Variants in TACC2 observed in about 807,000 individuals in gnomAD.
TACC2 encodes the protein transforming acidic coiled-coil-containing protein 2.
TACC2 carries 137 observed loss-of-function variants against 227.3 expected under a neutral mutation model. The ratio of observed to expected loss-of-function variants is 0.60; its 90% CI spans 0.52 to 0.69. The LOEUF is 0.69. TACC2 is among the 30% of genes least tolerant of loss of function. TACC2 has a pLI of 0.00. For missense variants in TACC2, 3,470 were observed against 3,694.4 expected (o/e 0.94, Z 1.57); for synonymous variants, 1,523 against 1,487.5 (o/e 1.02, Z -0.55).
chr10:122,045,705 T>C (rs971592183), intron 2 of TACC2, among the ~76,000 whole-genome samples: 1 of 152,210 alleles, frequency 6.6e-6, no homozygotes, highest in Non-Finnish European at 1.5e-5. Context: ...ATGGAAAACA[T>C]GATTTTACCT....
intron 7 of TACC2, among the ~76,000 whole-genome samples, chr10:122,164,231 G>A (rs548659381): frequency 4.1e-4 from 63 of 152,342 alleles, no homozygotes; most frequent in African/African-American, 1.4e-3. Flanking sequence ...TCAGCAGTGG[G>A]TGCATGGCTG....
Position 122,180,333 on chromosome 10 carries a change from C to T in TACC2, c.5835-14707C>T, listed in dbSNP as rs1461149882. Among the ~76,000 whole-genome samples the T allele has an allele frequency of 6.6e-6, 1 of 151,688 alleles. No homozygotes were observed. Among genetic ancestry groups the T allele is most frequent in the Non-Finnish European group, 1.5e-5 (1 of 67,956 alleles). On this transcript the variant is annotated intron_variant, in intron 7 of 22. Coordinates refer to ENST00000369005, the MANE Select transcript of TACC2 (RefSeq NM_206862.4). This position sits in a 1 kb window ranked among gnomAD's most constrained non-coding sequence, Gnocchi z 4.5. ...CTCCCTGCCTGAAACTTTCTTCCCC[C>T]CAGTTCTTTTTTTTTTTTTTTGGGT... is the stretch of plus-strand genomic sequence containing the variant.
In TACC2 at chr10:122,211,113, G is replaced by A. The variant is rs756151344; in HGVS notation, c.6688G>A (p.Gly2230Arg). The A allele has an allele frequency of 1.1e-5, 17 of 1,611,166 alleles. No individual in the cohort carries two copies. The highest frequency in any genetic ancestry group is 8.4e-5 in the Admixed American group (5 of 59,540). Reference protein sequence around the residue: ...GGRVQNSPPVGRKTLPLTTAP... With the variant: ...GGRVQNSPPVRRKTLPLTTAP... Reference sequence around the variant, plus strand: ...CAGAGTGCAGAACTCACCCCCTGTCGGGAGGAAAACGCTGCCTCTTACCAC... The same window carrying A: ...CAGAGTGCAGAACTCACCCCCTGTCAGGAGGAAAACGCTGCCTCTTACCAC... The change falls in exon 9 of 23, where the codon GGG becomes AGG. Residue 2230 changes from glycine to arginine, a missense_variant. Transcript: ENST00000369005.
At chr10:122,052,823 T>C (rs1322213634) in intron 3 of TACC2, 2 of 152,102 alleles carry the variant, frequency 1.3e-5, no homozygotes, top group African/African-American at 4.8e-5. Flanking sequence ...TCAGAAACCA[T>C]CTATCGAGAA....
intron 1 of TACC2, among the ~76,000 whole-genome samples, chr10:122,018,689 G>A (rs757919791): frequency 6.6e-6 from 1 of 152,182 alleles, no homozygotes; most frequent in Admixed American, 6.5e-5. Flanking sequence ...GGCTTTTGGA[G>A]TTCCTCCTCG....
chr10:122,005,769 C>T (rs12244092), intron 1 of TACC2, among the ~76,000 whole-genome samples: 22,047 of 147,464 alleles, frequency 0.15, 2,009 homozygotes, highest in Admixed American at 0.23. Context: ...CCTTGGCTTA[C>T]TGCAACCTCC....
intron 11 of TACC2, among the ~76,000 whole-genome samples, chr10:122,219,997 C>T (rs1196015084): frequency 6.6e-6 from 1 of 151,510 alleles, no homozygotes; most frequent in African/African-American, 2.4e-5. Context: ...AAGATCATGC[C>T]CCTGCACTCC....
intron 7 of TACC2, 37 bp downstream of exon 7, chr10:122,143,743 G>T: frequency 6.2e-7 from 1 of 1,601,258 alleles, no homozygotes; most frequent in Non-Finnish European, 8.5e-7. Flanking sequence ...ACCTGCCCCC[G>T]GAGAGCAGGG....
chr10:122,106,262 A>G (rs1169759234), intron 5 of TACC2, among the ~76,000 whole-genome samples: 1 of 152,116 alleles, frequency 6.6e-6, no homozygotes, highest in Non-Finnish European at 1.5e-5. Flanking sequence ...TGCTGGGATT[A>G]CAGGTGTGAG....
At chr10:122,108,705 A>C (rs1177203078) in intron 5 of TACC2, among the ~76,000 whole-genome samples, 4 of 150,866 alleles carry the variant, frequency 2.7e-5, no homozygotes, top group Admixed American at 6.6e-5. Context: ...GGCCTCCCAA[A>C]GTGCTGGGAT....
chr10:122,035,180 A>C (rs761948181), intron 2 of TACC2, among the ~76,000 whole-genome samples: 5 of 152,194 alleles, frequency 3.3e-5, no homozygotes, highest in African/African-American at 4.8e-5. Flanking sequence ...CGTGCTTTGC[A>C]GCAGAGCTCA....
chr10:122,214,881 A>G (rs1030358798), intron 9 of TACC2, among the ~76,000 whole-genome samples: 21 of 152,070 alleles, frequency 1.4e-4, no homozygotes, highest in African/African-American at 5.1e-4. Context: ...GAGCTCAAAG[A>G]TCCTGTGATA....
chr10:122,182,113 C>T (rs1003358354), intron 7 of TACC2, among the ~76,000 whole-genome samples: 2 of 152,188 alleles, frequency 1.3e-5, no homozygotes, highest in Admixed American at 1.3e-4. Context: ...TTGAGACACA[C>T]AGTAGACCAC....
chr10:122,213,154 C>T (rs1029432004), intron 9 of TACC2, among the ~76,000 whole-genome samples: 3 of 152,244 alleles, frequency 2.0e-5, no homozygotes, highest in Admixed American at 6.5e-5. Context: ...TGGGGCACCA[C>T]GGCTTTGTGG....
chr10:122,120,556 C>T (rs765967993), intron 5 of TACC2, among the ~76,000 whole-genome samples: 11 of 152,108 alleles, frequency 7.2e-5, no homozygotes, highest in South Asian at 2.1e-4. Flanking sequence ...CATCATGAGT[C>T]GACGCTGCTC....
At position 122,084,773 on chromosome 10, in the gene TACC2, C is replaced by G; in HGVS notation, c.2273C>G (p.Ser758Cys). ...GSCDGEGLLT[S>C]PDQPRGPACD... ...TGTGATGGGGAGGGCTTGCTGACGT[C>G]CCCAGATCAACCCCGCGGGCCGGCG... Residue 758 changes from serine to cysteine, a missense_variant, in exon 4 of 23, where the codon TCC (serine) becomes TGC (cysteine). By Grantham distance (112) the Ser-to-Cys change is moderately radical. Transcript: ENST00000369005. The G allele has an allele frequency of 6.2e-6, 10 of 1,613,606 alleles. No individual in the cohort carries two copies. The highest frequency in any genetic ancestry group is 7.6e-6 in the Non-Finnish European group (9 of 1,180,034).
chr10:122,253,669 G>A (rs1033547261), intron 22 of TACC2, among the ~76,000 whole-genome samples: 2 of 152,240 alleles, frequency 1.3e-5, no homozygotes, highest in African/African-American at 4.8e-5. Flanking sequence ...AAAGGAACCA[G>A]ACTAGTTAGT....
At chr10:122,030,653 C>G (rs1565113446) in intron 2 of TACC2, among the ~76,000 whole-genome samples, 1 of 151,586 alleles carries the variant, frequency 6.6e-6, no homozygotes, top group South Asian at 2.1e-4. Context: ...TCTAGCTCTG[C>G]AAGTTTTCAC....
intron 1 of TACC2, among the ~76,000 whole-genome samples, chr10:121,992,673 G>C (rs1459119633): frequency 6.6e-6 from 1 of 152,176 alleles, no homozygotes; most frequent in Non-Finnish European, 1.5e-5. Flanking sequence ...TAGGTGAATT[G>C]GTTGGGCATG....
Sources: gnomAD v4.1 joint callset for allele counts (sites outside exome capture counted in the v4.1 genomes callset) on GRCh38, gnomAD v4.1.1 for gene constraint, Gnocchi (gnomAD v3.1) non-coding constraint, MANE v1.5 for transcripts, NCBI Gene and HGNC (gene_info 2026-07-23, HGNC 2026-07-21) for gene names.